Variants in MORN1 observed in about 807,000 individuals in gnomAD.
The protein encoded by MORN1 is MORN repeat-containing protein 1.
In MORN1, 67 loss-of-function variants were observed where a neutral mutation model predicts 61.9. The observed-to-expected ratio is 1.08, with a 90% CI of 0.89 to 1.33. MORN1 has a LOEUF of 1.33. Among genes scored for constraint, MORN1 ranks in the 40% most tolerant of loss-of-function variants. The pLI, the probability that MORN1 is intolerant of heterozygous loss-of-function variation, is 0.00. For missense variants in MORN1, 752 were observed against 691.2 expected (o/e 1.09, Z -0.99); for synonymous variants, 301 against 292.0 (o/e 1.03, Z -0.31).
Position 2,383,911 on chromosome 1 carries a change from G to A in MORN1, c.537+1067C>T, listed in dbSNP as rs575481603. ...CCCTTCCCACCAGCCAGGAGCTCAG[G>A]CCTGCAGCCCAGCCCAAGCAGCAAC... is the stretch of plus-strand genomic sequence containing the variant. On this transcript the variant is annotated intron_variant, in intron 6 of 13. Coordinates refer to ENST00000378531, the MANE Select transcript of MORN1 (RefSeq NM_024848.3). Among the ~76,000 whole-genome samples the A allele has an allele frequency of 3.6e-3, 550 of 152,288 alleles. 2 individuals are homozygous for A. Among genetic ancestry groups the A allele is most frequent in the Non-Finnish European group, 6.1e-3 (416 of 68,028 alleles).
intron 6 of MORN1, among the ~76,000 whole-genome samples, chr1:2,381,382 G>C (rs1242624268): frequency 1.3e-5 from 2 of 152,250 alleles, no homozygotes; most frequent in Non-Finnish European, 2.9e-5. Flanking sequence ...GTGCCTGCAG[G>C]TGTCAGCAGC....
chr1:2,378,653 C>T (rs964178516), intron 6 of MORN1: 19 of 303,682 alleles, frequency 6.3e-5, no homozygotes, highest in African/African-American at 3.5e-4. Flanking sequence ...CCCGGAGGGC[C>T]GCGCTGCTGC....
chr1:2,362,718 G>A (rs10797420), intron 8 of MORN1, among the ~76,000 whole-genome samples: 45,886 of 151,992 alleles, frequency 0.3, 7,851 homozygotes, highest in African/African-American at 0.47. Context: ...AAAAAAATTA[G>A]CTGGGTGTGG....
chr1:2,322,302 C>T (rs905240356), intron 13 of MORN1: 80 of 985,290 alleles, frequency 8.1e-5, no homozygotes, highest in Non-Finnish European at 9.0e-5. Context: ...GGCACCGGAG[C>T]GTGGAAAAAG....
At chr1:2,384,256 CTT>C (rs1049162823) in intron 6 of MORN1, among the ~76,000 whole-genome samples, 9 of 152,252 alleles carry the variant, frequency 5.9e-5, no homozygotes, top group African/African-American at 2.2e-4. Context: ...TGACTCTTCT[CTT>C]GCCTTTGCCC....
intron 8 of MORN1, among the ~76,000 whole-genome samples, chr1:2,369,200 A>C (rs1305394799): frequency 1.3e-5 from 2 of 151,546 alleles, no homozygotes; most frequent in Non-Finnish European, 2.9e-5. Context: ...AAAAATACAA[A>C]AAAATTAGCC....
rs1640947781 is a variant in MORN1, at chr1:2,324,220, G to A, written c.1251-77C>T. 7 of 1,457,590 alleles carry A rather than the reference G, an allele frequency of 4.8e-6. No homozygotes were observed. In the South Asian group the frequency reaches 7.3e-5, roughly 15 times the overall value. The allele number at this position is 1,457,590 out of a possible 1,614,324, so 90.3% of individuals were successfully genotyped here. On this transcript the variant is annotated intron_variant, in intron 12 of 13. Coordinates refer to ENST00000378531, the MANE Select transcript of MORN1 (RefSeq NM_024848.3). ...ACATGGCATCCCTGACCTGAACCAGGGCTAGTGGCTCCAGGGCAGATTCAG... is the reference window on the plus strand; with the variant it reads ...ACATGGCATCCCTGACCTGAACCAGAGCTAGTGGCTCCAGGGCAGATTCAG...
chr1:2,354,688 G>C (rs4648832), intron 10 of MORN1, among the ~76,000 whole-genome samples: 20,883 of 152,236 alleles, frequency 0.14, 1,788 homozygotes, highest in Middle Eastern at 0.23. Context: ...CCTGGGTGGA[G>C]GCCAGCATGC....
At chr1:2,347,741 C>T (rs1641546855) in intron 10 of MORN1, among the ~76,000 whole-genome samples, 1 of 152,192 alleles carries the variant, frequency 6.6e-6, no homozygotes. Flanking sequence ...GCTGCTGCAG[C>T]CTTGAGGCTC....
chr1:2,367,248 G>A (rs777226838), intron 8 of MORN1, among the ~76,000 whole-genome samples: 3 of 149,256 alleles, frequency 2.0e-5, no homozygotes, highest in Non-Finnish European at 4.4e-5. Flanking sequence ...GAACAGGGAT[G>A]CAGAAATTCC....
intron 10 of MORN1, among the ~76,000 whole-genome samples, chr1:2,338,392 ACGG>A (rs1403576937): frequency 1.3e-5 from 2 of 152,140 alleles, no homozygotes; most frequent in Non-Finnish European, 2.9e-5. Flanking sequence ...TGCACTGCTG[ACGG>A]CATAATTTCC....
At chr1:2,375,356 G>C (rs1303667998) in intron 6 of MORN1, 1 of 152,280 alleles carries the variant, frequency 6.6e-6, no homozygotes, top group East Asian at 1.9e-4. Context: ...GCAGGGCGCA[G>C]CGTGTGCCTT....
At position 2,358,845 on chromosome 1, in the gene MORN1, C is replaced by T. The variant is rs1641832431; in HGVS notation, c.746-130G>A. 7.5e-6 allele frequency: 9 copies of T among 1,198,302 alleles called. No homozygotes were observed. In the South Asian group the frequency reaches 1.3e-4, roughly 18 times the overall value. The allele number at this position is 1,198,302 out of a possible 1,614,324, so 74.2% of individuals were successfully genotyped here. ...GCCACATTTGCCAGTGGCTGTGACC[C>T]TGGTGGGCTGAGGACCCCGGCTTGC... On this transcript the variant is annotated intron_variant, in intron 8 of 13. Coordinates refer to ENST00000378531, the MANE Select transcript of MORN1 (RefSeq NM_024848.3).
Position 2,357,106 on chromosome 1 carries a change from C to T in MORN1, c.1036+326G>A, listed in dbSNP as rs1641791198. ...AGGAGTGGCTGGGGCCGTGTCCAGG[C>T]TGGCCACTGGCCTCGAGGCCTGGGT... On this transcript the variant is annotated intron_variant, in intron 10 of 13. Transcript: ENST00000378531. The surrounding 1 kb of genome is among the most constrained non-coding windows in gnomAD (Gnocchi z 6.3). Among the ~76,000 whole-genome samples, 1 of 152,270 alleles carries T rather than the reference C, an allele frequency of 6.6e-6. No individual in the cohort carries two copies. Among genetic ancestry groups the T allele is most frequent in the South Asian group, 2.1e-4 (1 of 4,826 alleles).
At chr1:2,382,553 G>T (rs1002963689) in intron 6 of MORN1, among the ~76,000 whole-genome samples, 2 of 152,206 alleles carry the variant, frequency 1.3e-5, no homozygotes, top group Non-Finnish European at 2.9e-5. Context: ...GTGGGGGCCC[G>T]GGTGTGCTCG....
chr1:2,324,063 C>G, intron 13 of MORN1, 34 bp downstream of exon 13: 24 of 1,577,862 alleles, frequency 1.5e-5, no homozygotes, highest in Non-Finnish European at 2.1e-5. Flanking sequence ...GACAGTGGCA[C>G]AGCCGGCGAT....
intron 12 of MORN1, among the ~76,000 whole-genome samples, chr1:2,328,174 C>T (rs912321729): frequency 6.6e-6 from 1 of 152,266 alleles, no homozygotes. Context: ...GACGCGGACA[C>T]GTTCCTCATG....
intron 8 of MORN1, chr1:2,371,536 G>A (rs1002864085): frequency 6.6e-6 from 1 of 152,264 alleles, no homozygotes; most frequent in African/African-American, 2.4e-5. Context: ...TTGGGAAGAC[G>A]CAGAGAAATC....
rs1335239953 is a variant in MORN1, at chr1:2,388,344, G to A, written c.149-7C>T. 10 of 1,611,526 alleles carry A rather than the reference G, an allele frequency of 6.2e-6. No homozygotes were observed. Among genetic ancestry groups the A allele is most frequent in the Non-Finnish European group, 6.8e-6 (8 of 1,177,786 alleles). On this transcript the variant is annotated splice_polypyrimidine_tract_variant and splice_region_variant and intron_variant, in intron 2 of 13. Coordinates refer to ENST00000378531, the MANE Select transcript of MORN1 (RefSeq NM_024848.3). ...AATAACAACTTCCCGTGACCTGGCAGGAGAAATCGTCACGTGAACTCAGAC... is the reference window on the plus strand; with the variant it reads ...AATAACAACTTCCCGTGACCTGGCAAGAGAAATCGTCACGTGAACTCAGAC...
Sources: gnomAD v4.1 joint callset for allele counts (sites outside exome capture counted in the v4.1 genomes callset) on GRCh38, gnomAD v4.1.1 for gene constraint, Gnocchi (gnomAD v3.1) non-coding constraint, MANE v1.5 for transcripts, NCBI Gene and HGNC (gene_info 2026-07-23, HGNC 2026-07-21) for gene names.